CREB3L4: variants seen among roughly 807,000 people sequenced by gnomAD.
The protein encoded by CREB3L4 is cAMP responsive element binding protein 3 like 4.
Under a neutral mutation model 37.0 loss-of-function variants are expected in CREB3L4, and 28 were observed. The observed-to-expected ratio is 0.76, with a 90% confidence interval of 0.56 to 1.04. CREB3L4 has a LOEUF of 1.04. CREB3L4 is among the 50% of genes least tolerant of loss of function. The pLI is 0.00. For missense variants in CREB3L4, 462 were observed against 486.0 expected (o/e 0.95, Z 0.46); for synonymous variants, 175 against 192.2 (o/e 0.91, Z 0.74).
intron 8 of CREB3L4, 30 bp from the exon 9 acceptor site, chr1:153,973,590 C>A: frequency 6.3e-7 from 1 of 1,596,424 alleles, no homozygotes; most frequent in Non-Finnish European, 8.6e-7. Flanking sequence ...CCCCCTGCTC[C>A]CTTCATCTGT....
At position 153,974,220 on chromosome 1, in the gene CREB3L4, GA is replaced by G; in HGVS notation, c.*156del. On this transcript the variant is annotated 3_prime_UTR_variant, in exon 10 of 10. Transcript: ENST00000368607. ...AAGAGATGTCCTTTAGTCTCTGCCTGAGGCCTAGTCTGCATTTGTTTGCATA... is the reference window on the plus strand; with the variant it reads ...AAGAGATGTCCTTTAGTCTCTGCCTGGGCCTAGTCTGCATTTGTTTGCATA... The G allele has an allele frequency of 1.6e-6, 1 of 638,032 alleles. No individual in the cohort carries two copies. 39.5% of individuals were successfully genotyped at this position (638,032 alleles called of 1,614,324 possible). A position where few individuals can be genotyped will look rare whatever the true frequency, so the allele number is the denominator to read the frequency against.
At position 153,969,187 on chromosome 1, in the gene CREB3L4, T is replaced by C. The variant is rs1305224395; in HGVS notation, c.421+11T>C. 3 of 1,614,084 alleles carry C rather than the reference T, an allele frequency of 1.9e-6. No individual in the cohort carries two copies. The South Asian group carries it at 3.3e-5, about 18-fold the overall frequency. On this transcript the variant is annotated intron_variant, in intron 3 of 9. Transcript: ENST00000368607. ...TCTCCATCCAGCTAGGTCAGTGTTC[T>C]TTGTGGGAAGGGGGAAATGGCCCTT...
At chr1:153,970,771 A>C (rs1234519194) in intron 4 of CREB3L4, among the ~76,000 whole-genome samples, 2 of 127,592 alleles carry the variant, frequency 1.6e-5, no homozygotes, top group Admixed American at 8.4e-5. Flanking sequence ...TTTTAGACAG[A>C]GTCTCGCTCT....
Position 153,973,603 on chromosome 1 carries a change from C to T in CREB3L4, c.898-17C>T. ...TACCCCCTGCTCCCTTCATCTGTTC[C>T]TCTTGCTTCCTCCCAGATTCTTCTT... On this transcript the variant is annotated splice_polypyrimidine_tract_variant and intron_variant, in intron 8 of 9. Transcript: ENST00000368607. 3 of 1,606,822 alleles carry T rather than the reference C, an allele frequency of 1.9e-6. No homozygotes were observed. The highest frequency in any genetic ancestry group is 2.6e-6 in the Non-Finnish European group (3 of 1,174,568).
intron 4 of CREB3L4, 25 bp from the exon 5 acceptor site, chr1:153,972,719 C>T (rs755800680): frequency 2.4e-4 from 388 of 1,596,670 alleles, no homozygotes; most frequent in Non-Finnish European, 3.2e-4. Flanking sequence ...ACTCCTATTG[C>T]ATCTTCTCCT....
chr1:153,969,915 T>G (rs1321608396), intron 4 of CREB3L4, among the ~76,000 whole-genome samples: 1 of 147,090 alleles, frequency 6.8e-6, no homozygotes. Context: ...TGTGCCCGAC[T>G]AACATGAACA....
chr1:153,968,929 G>T lies in CREB3L4; in HGVS notation c.175-1G>T, dbSNP rs758572361. ...ATATATATAACCTTTTCCTACTGTA[G>T]GGCCTTCAAGAGAGTGAGCCTGAAG... On this transcript the variant is annotated splice_acceptor_variant, in intron 2 of 9. Coordinates refer to ENST00000368607, the MANE Select transcript of CREB3L4 (RefSeq NM_001255978.2). LOFTEE classifies it high-confidence loss of function. 3.7e-6 allele frequency: 6 copies of T among 1,605,400 alleles called. No homozygotes were observed. The South Asian group carries it at 6.6e-5, about 18-fold the overall frequency.
At chr1:153,971,687 T>C (rs1648397003) in intron 4 of CREB3L4, among the ~76,000 whole-genome samples, 1 of 150,744 alleles carries the variant, frequency 6.6e-6, no homozygotes, top group South Asian at 2.1e-4. Context: ...ACTCCTCTAA[T>C]AGTTCCACCA....
chr1:153,972,069 C>T (rs1431572661), intron 4 of CREB3L4, among the ~76,000 whole-genome samples: 6 of 152,184 alleles, frequency 3.9e-5, no homozygotes, highest in Admixed American at 1.3e-4. Context: ...GTGATCTGCC[C>T]ACCTTGGCCT....
At position 153,969,186 on chromosome 1, in the gene CREB3L4, C is replaced by A. The variant is rs759721564; in HGVS notation, c.421+10C>A. 13 of 1,613,920 alleles carry A rather than the reference C, an allele frequency of 8.1e-6. No individual in the cohort carries two copies. The highest frequency in any genetic ancestry group is 2.7e-5 in the African/African-American group (2 of 74,938). ...ATCTCCATCCAGCTAGGTCAGTGTT[C>A]TTTGTGGGAAGGGGGAAATGGCCCT... On this transcript the variant is annotated intron_variant, in intron 3 of 9. Coordinates refer to ENST00000368607, the MANE Select transcript of CREB3L4 (RefSeq NM_001255978.2).
In CREB3L4 at chr1:153,973,938, C is replaced by A; in HGVS notation, c.1061C>A (p.Ser354Tyr). The A allele has an allele frequency of 1.2e-6, 2 of 1,614,134 alleles. 1 individual carries two copies. Among genetic ancestry groups the A allele is most frequent in the South Asian group, 2.2e-5 (2 of 91,078 alleles). The change falls in exon 10 of 10, where the codon TCC becomes TAC. Residue 354 changes from serine (S) to tyrosine (Y), a missense_variant. Physicochemically the swap from Ser to Tyr is moderately radical, Grantham distance 144. Transcript: ENST00000368607. ...TENLETQVVESRLREPPGAKD... is the reference protein window; with the variant it reads ...TENLETQVVEYRLREPPGAKD... ...AATCTGGAGACCCAAGTGGTAGAGT[C>A]CAGACTGAGGGAGCCACCTGGAGCC...
rs1648566767 is a variant in CREB3L4 at position 153,973,178 on chromosome 1, A to G, written c.744-17A>G. ...GACTCAGGTTGCTGAGCCTTGTCCT[A>G]CCTCCCTACATTCTAGGGTGGCAGC... On this transcript the variant is annotated splice_polypyrimidine_tract_variant and intron_variant, in intron 6 of 9. Transcript: ENST00000368607. The G allele has an allele frequency of 1.2e-6, 2 of 1,613,530 alleles. No individual in the cohort carries two copies. The highest frequency in any genetic ancestry group is 1.7e-6 in the Non-Finnish European group (2 of 1,179,724).
At chr1:153,969,631 GC>G in intron 4 of CREB3L4, 176 bp downstream of exon 4, 1 of 666,134 alleles carries the variant, frequency 1.5e-6, no homozygotes, top group Non-Finnish European at 2.5e-6. Context: ...TATTTTTTGA[GC>G]CAGGGTCTTA....
intron 4 of CREB3L4, among the ~76,000 whole-genome samples, chr1:153,970,602 G>A (rs369484357): frequency 1.3e-5 from 2 of 152,068 alleles, no homozygotes; most frequent in South Asian, 4.1e-4. Context: ...GTAAAGAGGG[G>A]ACTATGCTCA....
At chr1:153,970,161 TTGTG>T in intron 4 of CREB3L4, among the ~76,000 whole-genome samples, 1 of 151,610 alleles carries the variant, frequency 6.6e-6, no homozygotes, top group Non-Finnish European at 1.5e-5. Flanking sequence ...ACTCCTGACC[TTGTG>T]ATCCGCCTGC....
intron 5 of CREB3L4, 56 bp from the exon 6 acceptor site, chr1:153,972,916 T>G: frequency 1.3e-6 from 2 of 1,589,308 alleles, no homozygotes; most frequent in Non-Finnish European, 1.7e-6. Context: ...AGGAGAAGCA[T>G]TGGGGAGTTG....
Position 153,972,995 on chromosome 1 carries a change from G to A in CREB3L4, c.660G>A (p.Lys220=), listed in dbSNP as rs762527012. The A allele has an allele frequency of 6.2e-7, 1 of 1,614,058 alleles. No individual in the cohort carries two copies. The highest frequency in any genetic ancestry group is 1.1e-5 in the South Asian group (1 of 91,092). Residue 220 remains lysine, a synonymous_variant, in exon 6 of 10, where the codon AAG becomes AAA. Coordinates refer to ENST00000368607, the MANE Select transcript of CREB3L4 (RefSeq NM_001255978.2). ...LTKAEERVLK[K]VRRKIRNKQS... ...AGGCAGAGGAGAGGGTCCTCAAGAAGGTCAGGAGGAAAATCCGTAACAAGC... is the reference window on the plus strand; with the variant it reads ...AGGCAGAGGAGAGGGTCCTCAAGAAAGTCAGGAGGAAAATCCGTAACAAGC...
chr1:153,972,572 T>C (rs1363018920), intron 4 of CREB3L4, among the ~76,000 whole-genome samples, 172 bp from the exon 5 acceptor site: 1 of 152,102 alleles, frequency 6.6e-6, no homozygotes, highest in Non-Finnish European at 1.5e-5. Flanking sequence ...TTTGGCTTGA[T>C]CTAGAGCCTG....
chr1:153,969,075 C>G lies in CREB3L4; in HGVS notation c.320C>G (p.Thr107Ser). Residue 107 changes from threonine (T) to serine (S), a missense_variant, in exon 3 of 10, where the codon ACC (threonine) becomes AGC (serine). Coordinates refer to ENST00000368607, the MANE Select transcript of CREB3L4 (RefSeq NM_001255978.2). ...HPDSPPAPRA[T>S]SSPMLYEVVY... ...GACAGTCCCCCTGCCCCCAGGGCAA[C>G]CAGTTCTCCTATGCTCTATGAGGTT... is the stretch of plus-strand genomic sequence containing the variant. 1 of 1,614,208 alleles carries G rather than the reference C, an allele frequency of 6.2e-7. No homozygotes were observed. Among genetic ancestry groups the G allele is most frequent in the South Asian group, 1.1e-5 (1 of 91,086 alleles).
Sources: gnomAD v4.1 joint callset for allele counts (sites outside exome capture counted in the v4.1 genomes callset) on GRCh38, gnomAD v4.1.1 for gene constraint, MANE v1.5 for transcripts, NCBI Gene and HGNC (gene_info 2026-07-23, HGNC 2026-07-21) for gene names.